EFR3B: variants seen among roughly 807,000 people sequenced by gnomAD.
EFR3B encodes the protein EFR3 homolog B.
EFR3B carries 64 observed loss-of-function variants against 104.7 expected under a neutral mutation model. The observed-to-expected ratio is 0.61, with a 90% CI of 0.50 to 0.75. The LOEUF (loss-of-function observed/expected upper bound fraction) is 0.75, where lower values mean the gene tolerates loss of function less well. Among genes scored for constraint, EFR3B ranks in the 30% least tolerant of loss-of-function variants. The pLI is 0.00. For missense variants in EFR3B, 750 were observed against 1,078.5 expected, an observed-to-expected ratio of 0.70 and a Z score of 4.27; for synonymous variants, 385 against 417.9, an observed-to-expected ratio of 0.92 and a Z score of 0.96.
intron 2 of EFR3B, 143 bp from the exon 3 acceptor site, chr2:25,092,860 T>C (rs2149185648): frequency 1.9e-6 from 2 of 1,045,978 alleles, no homozygotes; most frequent in Non-Finnish European, 1.3e-6. Flanking sequence ...CATCTGCCTG[T>C]CTCTGAAACC....
intron 16 of EFR3B, among the ~76,000 whole-genome samples, chr2:25,140,141 C>T (rs1369808303): frequency 3.9e-5 from 6 of 151,968 alleles, no homozygotes; most frequent in Non-Finnish European, 7.4e-5. Flanking sequence ...GGTGAACCCC[C>T]GTCTCTACTA....
At chr2:25,093,254 G>A in intron 3 of EFR3B, 124 bp downstream of exon 3, 1 of 1,314,796 alleles carries the variant, frequency 7.6e-7, no homozygotes, top group Non-Finnish European at 1.0e-6. Context: ...CAGCGCTTTG[G>A]GAGGTCAAGG....
chr2:25,123,184 G>C (rs913551761), intron 5 of EFR3B, among the ~76,000 whole-genome samples: 9 of 151,788 alleles, frequency 5.9e-5, no homozygotes. Context: ...GCAACATAAT[G>C]AGACCCCACC....
chr2:25,043,171 C>A (rs1459101106), intron 1 of EFR3B, among the ~76,000 whole-genome samples: 1 of 152,126 alleles, frequency 6.6e-6, no homozygotes. Flanking sequence ...CTGCAGCCCA[C>A]CAAGGGCTGT....
At chr2:25,063,410 A>G (rs1302108905) in intron 1 of EFR3B, among the ~76,000 whole-genome samples, 5 of 152,018 alleles carry the variant, frequency 3.3e-5, no homozygotes, top group Admixed American at 3.3e-4. Context: ...TCTGGCTAGG[A>G]ATGGTATATA....
intron 1 of EFR3B, among the ~76,000 whole-genome samples, chr2:25,062,821 C>T (rs1668232169): frequency 6.6e-6 from 1 of 152,228 alleles, no homozygotes; most frequent in African/African-American, 2.4e-5. Flanking sequence ...TCTCAGGGGA[C>T]CTTCAATGAC....
intron 18 of EFR3B, among the ~76,000 whole-genome samples, chr2:25,144,670 C>G (rs1670765498): frequency 6.6e-6 from 1 of 152,198 alleles, no homozygotes; most frequent in Non-Finnish European, 1.5e-5. Context: ...GCAGATCATG[C>G]TTACACATAA....
intron 6 of EFR3B, among the ~76,000 whole-genome samples, chr2:25,128,960 CAAAAAAAAAAAAAAAAAAAAAAA>C (rs1170505822): frequency 3.0e-4 from 8 of 26,654 alleles, no homozygotes; most frequent in Admixed American, 2.1e-3. Flanking sequence ...GACTCCGTCT[CAAAAAAAAAAAAAAAAAAAAAAA>C]AAAAAAAAAA....
chr2:25,091,166 G>A (rs1434342143), intron 1 of EFR3B, among the ~76,000 whole-genome samples, 159 bp from the exon 2 acceptor site: 2 of 152,230 alleles, frequency 1.3e-5, no homozygotes, highest in East Asian at 1.9e-4. Flanking sequence ...AGAGATGCCA[G>A]CTCTGGGAGG....
chr2:25,087,419 T>A (rs1418317463), intron 1 of EFR3B, among the ~76,000 whole-genome samples: 1 of 151,878 alleles, frequency 6.6e-6, no homozygotes. Flanking sequence ...CTATGTCTTC[T>A]ACAAATACTT....
intron 3 of EFR3B, among the ~76,000 whole-genome samples, chr2:25,094,015 G>A (rs1393129170): frequency 2.0e-5 from 3 of 152,148 alleles, no homozygotes; most frequent in South Asian, 4.1e-4. Flanking sequence ...GACCAGGCAC[G>A]GTGGCTCATA....
intron 1 of EFR3B, among the ~76,000 whole-genome samples, chr2:25,051,279 T>A (rs1237873188): frequency 1.3e-5 from 2 of 151,856 alleles, no homozygotes; most frequent in Non-Finnish European, 2.9e-5. Context: ...GTCTGGCTAA[T>A]TTTTTTGTAT....
chr2:25,106,454 T>TG (rs1669566194), intron 4 of EFR3B, among the ~76,000 whole-genome samples: 1 of 131,342 alleles, frequency 7.6e-6, no homozygotes, highest in Admixed American at 8.5e-5. Context: ...CATGCCCAGC[T>TG]AATTTTTTTT....
intron 12 of EFR3B, among the ~76,000 whole-genome samples, 161 bp downstream of exon 12, chr2:25,133,595 C>G (rs904393079): frequency 8.5e-5 from 13 of 152,222 alleles, no homozygotes; most frequent in Non-Finnish European, 1.8e-4. Context: ...GTTCCACTCA[C>G]TAGCCAGGCT....
At chr2:25,059,145 G>C (rs11676902) in intron 1 of EFR3B, among the ~76,000 whole-genome samples, 149,998 of 150,184 alleles carry the variant, frequency 1, 74,907 homozygotes, top group Middle Eastern at 1. Context: ...TGGAGTCTCG[G>C]TGTGTCTCCC....
chr2:25,121,896 A>G (rs1670027016), intron 5 of EFR3B, 102 bp downstream of exon 5: 3 of 1,476,714 alleles, frequency 2.0e-6, no homozygotes, highest in Admixed American at 2.0e-5. Context: ...TGCTTTTGTT[A>G]GTATCTGTGT....
intron 1 of EFR3B, among the ~76,000 whole-genome samples, chr2:25,043,978 G>A (rs542221788): frequency 3.2e-4 from 49 of 152,362 alleles, no homozygotes; most frequent in Non-Finnish European, 5.3e-4. Context: ...CGAGATATCT[G>A]AAGGTGGGGG....
chr2:25,123,825 CAT>C (rs1241623916), intron 5 of EFR3B, among the ~76,000 whole-genome samples: 1 of 152,264 alleles, frequency 6.6e-6, no homozygotes, highest in Non-Finnish European at 1.5e-5. Flanking sequence ...CACACAGACA[CAT>C]GTGCACATAC....
At chr2:25,045,200 T>C (rs1667682645) in intron 1 of EFR3B, among the ~76,000 whole-genome samples, 1 of 152,096 alleles carries the variant, frequency 6.6e-6, no homozygotes, top group African/African-American at 2.4e-5. Context: ...CACCCCCGCT[T>C]ACACAGGCAC....
Sources: allele counts gnomAD v4.1 joint callset (sites outside exome capture counted in the v4.1 genomes callset), GRCh38; gene constraint gnomAD v4.1.1; transcripts MANE v1.5; gene names NCBI Gene and HGNC (gene_info 2026-07-23, HGNC 2026-07-21).